CPNE4: variants seen among roughly 807,000 people sequenced by gnomAD.
CPNE4 encodes copine-4.
Under a neutral mutation model 67.9 loss-of-function variants are expected in CPNE4, and 25 were observed. That is an observed-to-expected ratio of 0.37 (90% CI 0.27 to 0.51). The LOEUF is 0.51. Among genes scored for constraint, CPNE4 ranks in the 20% least tolerant of loss-of-function variants. The probability of loss-of-function intolerance (pLI) is 0.93; values close to 1 mark genes in which losing one functional copy is unlikely to be tolerated. For synonymous variants in CPNE4, 242 were observed against 244.9 expected, an observed-to-expected ratio of 0.99 and a Z score of 0.11; for missense variants, 464 against 690.8, an observed-to-expected ratio of 0.67 and a Z score of 3.68.
chr3:131,798,327 G>GT (rs1459907357), intron 2 of CPNE4, among the ~76,000 whole-genome samples: 4 of 152,134 alleles, frequency 2.6e-5, no homozygotes, highest in Non-Finnish European at 5.9e-5. Flanking sequence ...CAATTAAGAT[G>GT]TATGTGTGGA....
chr3:131,881,010 T>C (rs1273645978), intron 2 of CPNE4, among the ~76,000 whole-genome samples: 1 of 152,194 alleles, frequency 6.6e-6, no homozygotes, highest in South Asian at 2.1e-4. Context: ...CTTGTACTGC[T>C]TGAAATTGGC....
chr3:131,952,185 C>CT (rs1176910794), intron 1 of CPNE4, among the ~76,000 whole-genome samples: 1 of 147,772 alleles, frequency 6.8e-6, no homozygotes, highest in African/African-American at 2.5e-5. Flanking sequence ...CGCCCATCGT[C>CT]TGAGATGTGG....
chr3:131,749,758 A>T (rs1336472829), intron 2 of CPNE4, among the ~76,000 whole-genome samples: 2 of 152,056 alleles, frequency 1.3e-5, no homozygotes, highest in Middle Eastern at 3.2e-3. Context: ...TTTGATATTA[A>T]TTTAGGCACG....
At chr3:131,570,817 A>G (rs756958031) in intron 10 of CPNE4, among the ~76,000 whole-genome samples, 1 of 152,092 alleles carries the variant, frequency 6.6e-6, no homozygotes, top group South Asian at 2.1e-4. Context: ...TGACCAAAAA[A>G]GAATAAGAAT....
chr3:131,874,834 C>A (rs759482247), intron 2 of CPNE4, among the ~76,000 whole-genome samples: 5 of 152,068 alleles, frequency 3.3e-5, no homozygotes, highest in African/African-American at 4.8e-5. Context: ...GGCTTAAAGT[C>A]AAATTAAACA....
chr3:131,904,500 T>C (rs2088671495), intron 2 of CPNE4, among the ~76,000 whole-genome samples: 1 of 152,076 alleles, frequency 6.6e-6, no homozygotes, highest in Admixed American at 6.6e-5. Flanking sequence ...AACAAGAGTT[T>C]ATGTTTCTCT....
intron 6 of CPNE4, among the ~76,000 whole-genome samples, chr3:131,685,546 G>C (rs1375594261): frequency 6.6e-6 from 1 of 152,182 alleles, no homozygotes; most frequent in Non-Finnish European, 1.5e-5. Context: ...CACTTTGGGA[G>C]GCCGAGGCGG....
intron 7 of CPNE4, among the ~76,000 whole-genome samples, chr3:131,663,779 G>A (rs2080188753): frequency 6.6e-6 from 1 of 152,128 alleles, no homozygotes; most frequent in Non-Finnish European, 1.5e-5. Context: ...TGGGTGAAAT[G>A]TCATTCAGGG....
At chr3:131,946,224 T>C (rs892314900) in intron 1 of CPNE4, among the ~76,000 whole-genome samples, 1 of 152,132 alleles carries the variant, frequency 6.6e-6, no homozygotes, top group African/African-American at 2.4e-5. Context: ...ACATTCCATC[T>C]CTATGGATTT....
rs116294398 is a variant in CPNE4 at position 131,776,461 on chromosome 3, T to C, written c.181-52836A>G. 6.7e-3 allele frequency among the ~76,000 whole-genome samples: 1,017 copies of C among 152,238 alleles called. 13 individuals are homozygous for C. The highest frequency in any genetic ancestry group is 0.023 in the African/African-American group (950 of 41,554). ...ATCAGAGCATTCAGAGAGAGGAGGC[T>C]GATGGCATCTTTGTTGAACATTCAC... On this transcript the variant is annotated intron_variant, in intron 2 of 15. Coordinates refer to ENST00000429747, the MANE Select transcript of CPNE4 (RefSeq NM_130808.3).
At chr3:131,614,459 G>A (rs1018981362) in intron 7 of CPNE4, among the ~76,000 whole-genome samples, 2 of 152,212 alleles carry the variant, frequency 1.3e-5, no homozygotes, top group Non-Finnish European at 2.9e-5. Flanking sequence ...TATTGGACAT[G>A]AGAACAGTGT....
intron 7 of CPNE4, among the ~76,000 whole-genome samples, chr3:131,614,182 A>C (rs1280146140): frequency 3.9e-5 from 6 of 152,236 alleles, no homozygotes; most frequent in African/African-American, 1.2e-4. Context: ...TCCATTCTGC[A>C]CATGTCTATA....
intron 2 of CPNE4, among the ~76,000 whole-genome samples, chr3:131,815,553 T>C (rs116604150): frequency 6.6e-6 from 1 of 152,320 alleles, no homozygotes; most frequent in African/African-American, 2.4e-5. Flanking sequence ...TCTATTCCAG[T>C]ATGGGAAGAT....
intron 2 of CPNE4, among the ~76,000 whole-genome samples, chr3:131,826,773 TGTA>T (rs1390264516): frequency 3.3e-5 from 5 of 152,196 alleles, no homozygotes. Context: ...GGCTTATGTC[TGTA>T]ATACCAACAT....
At chr3:131,977,383 G>A (rs1257006050) in intron 1 of CPNE4, among the ~76,000 whole-genome samples, 1 of 152,110 alleles carries the variant, frequency 6.6e-6, no homozygotes, top group East Asian at 1.9e-4. Context: ...AGCTATGACA[G>A]CACCTTCTCC....
At chr3:131,707,492 G>A (rs566790540) in intron 3 of CPNE4, among the ~76,000 whole-genome samples, 30 of 152,286 alleles carry the variant, frequency 2.0e-4, no homozygotes, top group Middle Eastern at 3.4e-3. Flanking sequence ...CAGGATTTAG[G>A]ACTCAGGGTA....
At chr3:131,838,126 T>C (rs1264204803) in intron 2 of CPNE4, among the ~76,000 whole-genome samples, 1 of 151,922 alleles carries the variant, frequency 6.6e-6, no homozygotes, top group Non-Finnish European at 1.5e-5. Context: ...TTTTGCAGCT[T>C]CTATGTTAAG....
chr3:131,889,711 C>T (rs1165319371), intron 2 of CPNE4, among the ~76,000 whole-genome samples: 1 of 152,142 alleles, frequency 6.6e-6, no homozygotes, highest in Non-Finnish European at 1.5e-5. Context: ...ACTGTAATGT[C>T]AACCAATGGC....
At chr3:131,720,331 C>T (rs965484738) in intron 3 of CPNE4, among the ~76,000 whole-genome samples, 6 of 139,236 alleles carry the variant, frequency 4.3e-5, no homozygotes, top group African/African-American at 1.6e-4. Flanking sequence ...GTCACCCAGG[C>T]TGGAGTGCAG....
Sources: gnomAD v4.1 joint callset for allele counts (sites outside exome capture counted in the v4.1 genomes callset) on GRCh38, gnomAD v4.1.1 for gene constraint, MANE v1.5 for transcripts, NCBI Gene and HGNC (gene_info 2026-07-23, HGNC 2026-07-21) for gene names.